GFRA1: variants seen among roughly 807,000 people sequenced by gnomAD.
The protein encoded by GFRA1 is GDNF family receptor alpha 1, also known as GDNF family receptor alpha-1.
GFRA1 carries 16 observed loss-of-function variants against 51.6 expected under a neutral mutation model. The observed-to-expected ratio is 0.31, with a 90% CI of 0.21 to 0.47. GFRA1 has a LOEUF of 0.47. Ranked by LOEUF, GFRA1 falls within the 20% of genes least tolerant of loss-of-function variation. GFRA1 has a pLI of 1.00. For synonymous variants in GFRA1, 270 were observed against 241.3 expected (o/e 1.12, Z -1.10); for missense variants, 530 against 594.3 (o/e 0.89, Z 1.13).
chr10:116,068,655 T>A (rs1820264006), intron 9 of GFRA1, among the ~76,000 whole-genome samples: 1 of 152,164 alleles, frequency 6.6e-6, no homozygotes, highest in South Asian at 2.1e-4. Flanking sequence ...CCTCTGCAGA[T>A]CCAGAGTCTA....
intron 5 of GFRA1, among the ~76,000 whole-genome samples, chr10:116,151,956 G>A (rs982645957): frequency 2.4e-4 from 37 of 152,272 alleles, no homozygotes; most frequent in African/African-American, 8.7e-4. Flanking sequence ...TCCCTGAGAG[G>A]TGACTTGAGA....
chr10:116,259,854 G>C (rs150014326), intron 4 of GFRA1, among the ~76,000 whole-genome samples: 19 of 152,286 alleles, frequency 1.2e-4, no homozygotes, highest in African/African-American at 4.6e-4. Context: ...TTTCTCCTCA[G>C]AAATGAGAGG....
At chr10:116,247,285 A>G (rs2134670051) in intron 4 of GFRA1, among the ~76,000 whole-genome samples, 1 of 152,282 alleles carries the variant, frequency 6.6e-6, no homozygotes, top group African/African-American at 2.4e-5. Flanking sequence ...ACTGCTTCTC[A>G]TCACTAACCC....
At chr10:116,197,909 T>A (rs1964022612) in intron 5 of GFRA1, among the ~76,000 whole-genome samples, 2 of 151,978 alleles carry the variant, frequency 1.3e-5, no homozygotes, top group African/African-American at 4.8e-5. Flanking sequence ...TGGAGGCCCG[T>A]GGAAGTGAGT....
chr10:116,115,348 G>A (rs564322776), intron 6 of GFRA1, among the ~76,000 whole-genome samples: 167 of 152,162 alleles, frequency 1.1e-3, no homozygotes, highest in Middle Eastern at 3.4e-3. Context: ...TGGGGAGGCC[G>A]AGGGAAGAGG....
intron 4 of GFRA1, among the ~76,000 whole-genome samples, chr10:116,256,164 C>T (rs1056653284): frequency 2.6e-5 from 4 of 152,168 alleles, no homozygotes; most frequent in African/African-American, 9.7e-5. Context: ...CATACAGGAC[C>T]TAGAACGTTG....
At chr10:116,215,830 C>T (rs538991044) in intron 4 of GFRA1, among the ~76,000 whole-genome samples, 3 of 152,298 alleles carry the variant, frequency 2.0e-5, no homozygotes, top group Admixed American at 1.3e-4. Flanking sequence ...ACCCCAACCC[C>T]AATCATTCAC....
intron 5 of GFRA1, among the ~76,000 whole-genome samples, chr10:116,196,108 A>G (rs1420853111): frequency 2.6e-5 from 4 of 152,052 alleles, no homozygotes; most frequent in African/African-American, 9.7e-5. Context: ...ACAAGTAAAA[A>G]AAAATGAAAA....
chr10:116,217,787 A>C (rs563848725), intron 4 of GFRA1, among the ~76,000 whole-genome samples: 1 of 152,314 alleles, frequency 6.6e-6, no homozygotes, highest in East Asian at 1.9e-4. Context: ...ATTTTTGCGG[A>C]GACAAAATTT....
intron 4 of GFRA1, among the ~76,000 whole-genome samples, chr10:116,248,079 A>G (rs1235836712): frequency 1.3e-5 from 2 of 152,194 alleles, no homozygotes; most frequent in Non-Finnish European, 2.9e-5. Flanking sequence ...TGGGTATTTG[A>G]CATGAGACCA....
chr10:116,146,454 T>C (rs770211034), intron 5 of GFRA1, among the ~76,000 whole-genome samples: 30 of 152,314 alleles, frequency 2.0e-4, no homozygotes, highest in Admixed American at 5.2e-4. Flanking sequence ...GACAAGCTAA[T>C]GGCTCTACAC....
intron 9 of GFRA1, among the ~76,000 whole-genome samples, chr10:116,080,161 T>C (rs962171511): frequency 6.6e-6 from 1 of 152,138 alleles, no homozygotes; most frequent in Non-Finnish European, 1.5e-5. Context: ...AAAACTTACA[T>C]AGTACCATTT....
At chr10:116,193,072 G>A (rs1021054353) in intron 5 of GFRA1, among the ~76,000 whole-genome samples, 3 of 152,120 alleles carry the variant, frequency 2.0e-5, no homozygotes, top group African/African-American at 7.2e-5. Context: ...CTGGGAAACT[G>A]TATTTGTCAG....
chr10:116,080,420 G>A (rs1955800298), intron 9 of GFRA1, among the ~76,000 whole-genome samples: 1 of 152,076 alleles, frequency 6.6e-6, no homozygotes, highest in South Asian at 2.1e-4. Flanking sequence ...GGTGATGGGT[G>A]CACCAAAAAT....
intron 4 of GFRA1, among the ~76,000 whole-genome samples, chr10:116,253,438 T>A (rs1296014957): frequency 6.6e-6 from 1 of 152,056 alleles, no homozygotes; most frequent in African/African-American, 2.4e-5. Context: ...TGAAATCCCA[T>A]CTCTACTAAA....
chr10:116,271,300 CCTCT>C (rs1477479869), intron 2 of GFRA1, among the ~76,000 whole-genome samples, 185 bp from the exon 3 acceptor site: 1 of 152,144 alleles, frequency 6.6e-6, no homozygotes, highest in East Asian at 1.9e-4. Flanking sequence ...AATTCCAGCT[CCTCT>C]CTCCTCCTCC....
chr10:116,118,392 C>G (rs1555152819), intron 6 of GFRA1, among the ~76,000 whole-genome samples: 1 of 152,206 alleles, frequency 6.6e-6, no homozygotes, highest in Non-Finnish European at 1.5e-5. Flanking sequence ...CCCTCTGACA[C>G]AGGAGGCCCC....
rs566139488 is a variant in GFRA1, at chr10:116,060,579, A to T, written c.*3819T>A. ...TGGGCCTTCTGCTGTCACTGTGCCCAGGCCAGTGGTAATTCTCTCCTGCCT... is the reference window on the plus strand; with the variant it reads ...TGGGCCTTCTGCTGTCACTGTGCCCTGGCCAGTGGTAATTCTCTCCTGCCT... On this transcript the variant is annotated 3_prime_UTR_variant, in exon 11 of 11. Coordinates refer to ENST00000355422, the MANE Select transcript of GFRA1 (RefSeq NM_005264.8). The T allele has an allele frequency of 6.6e-6, 1 of 152,178 alleles. No homozygotes were observed. The highest frequency in any genetic ancestry group is 1.5e-5 in the Non-Finnish European group (1 of 68,048). 9.4% of individuals were successfully genotyped at this position (152,178 alleles called of 1,614,324 possible).
intron 9 of GFRA1, among the ~76,000 whole-genome samples, chr10:116,069,222 G>A (rs993670114): frequency 4.6e-5 from 7 of 152,068 alleles, no homozygotes; most frequent in African/African-American, 1.4e-4. Flanking sequence ...TTTATTTTTT[G>A]AAAAATCAAT....
Sources: gnomAD v4.1 joint callset for allele counts (sites outside exome capture counted in the v4.1 genomes callset) on GRCh38, gnomAD v4.1.1 for gene constraint, MANE v1.5 for transcripts, NCBI Gene and HGNC (gene_info 2026-07-23, HGNC 2026-07-21) for gene names.